RERE: variants seen among roughly 807,000 people sequenced by gnomAD.
The protein encoded by RERE is arginine-glutamic acid dipeptide repeats.
RERE carries 40 observed loss-of-function variants against 146.1 expected under a neutral mutation model. That is an observed-to-expected ratio of 0.27 (90% CI 0.21 to 0.36). The LOEUF is 0.36. Ranked by LOEUF, RERE falls within the 10% of genes least tolerant of loss-of-function variation. The pLI, the probability that RERE is intolerant of heterozygous loss-of-function variation, is 1.00. For missense variants in RERE, 1,933 were observed against 2,138.7 expected, an observed-to-expected ratio of 0.90 and a Z score of 1.90; for synonymous variants, 1,003 against 866.0, an observed-to-expected ratio of 1.16 and a Z score of -2.78.
intron 1 of RERE, chr1:8,786,190 A>C: frequency 2.9e-6 from 2 of 695,996 alleles, no homozygotes; most frequent in Non-Finnish European, 5.0e-6. Context: ...TAATTGTGGT[A>C]AACACCTCGG....
At chr1:8,716,805 G>GA (rs1399433070) in intron 1 of RERE, among the ~76,000 whole-genome samples, 2 of 151,232 alleles carry the variant, frequency 1.3e-5, no homozygotes. Context: ...TTTCAGAATG[G>GA]AAAAAAAGAA....
At chr1:8,457,853 C>T (rs975284257) in intron 11 of RERE, among the ~76,000 whole-genome samples, 7 of 151,996 alleles carry the variant, frequency 4.6e-5, no homozygotes, top group African/African-American at 1.2e-4. Flanking sequence ...TCCCTGCCTC[C>T]GCCTCCCAAA....
intron 1 of RERE, among the ~76,000 whole-genome samples, chr1:8,737,405 A>G (rs1025092258): frequency 3.3e-5 from 5 of 152,208 alleles, no homozygotes; most frequent in Admixed American, 3.3e-4. Flanking sequence ...AAGAATCAAA[A>G]GTTTATCACA....
chr1:8,356,066 G>C lies in RERE; in HGVS notation c.4486+34C>G. On this transcript the variant is annotated intron_variant, in intron 21 of 22. Transcript: ENST00000400908. The surrounding 1 kb of genome is among the most constrained non-coding windows in gnomAD (Gnocchi z 5.2). ...CCAGACCCCAACCCAACCCTCACAC[G>C]GCCTCCCCGCCCCTCCTGGAGGGGA... 1 of 1,461,910 alleles carries C rather than the reference G, an allele frequency of 6.8e-7. No individual in the cohort carries two copies. Among genetic ancestry groups the C allele is most frequent in the Non-Finnish European group, 9.0e-7 (1 of 1,109,602 alleles). 90.6% of individuals were successfully genotyped at this position (1,461,910 alleles called of 1,614,324 possible).
At chr1:8,400,230 G>A (rs939405499) in intron 12 of RERE, among the ~76,000 whole-genome samples, 8 of 150,906 alleles carry the variant, frequency 5.3e-5, no homozygotes, top group East Asian at 2.0e-4. Flanking sequence ...ATATGTGTGT[G>A]TGTGTGTGTG....
Position 8,607,530 on chromosome 1 carries a change from A to T in RERE, c.522+7031T>A, listed in dbSNP as rs1469394739. On this transcript the variant is annotated intron_variant, in intron 4 of 22. Coordinates refer to ENST00000400908, the MANE Select transcript of RERE (RefSeq NM_001042681.2). ...GCCCCGCATATTTGTTTTTATATAT[A>T]TTTCTTTTTTTTTTTTTTTTTTTTT... Among the ~76,000 whole-genome samples, 36 of 57,530 alleles carry T rather than the reference A, an allele frequency of 6.3e-4. No homozygotes were observed. In the East Asian group the frequency reaches 0.025, roughly 40 times the overall value. The allele number at this position is 57,530 out of a possible 152,430, so 37.7% of individuals were successfully genotyped here.
intron 12 of RERE, among the ~76,000 whole-genome samples, chr1:8,369,252 G>A (rs1027720723): frequency 2.0e-5 from 3 of 152,034 alleles, no homozygotes; most frequent in Non-Finnish European, 4.4e-5. Flanking sequence ...GTTCAGTGAG[G>A]TAAGAAACTG....
intron 11 of RERE, among the ~76,000 whole-genome samples, chr1:8,463,474 C>G (rs1285404436): frequency 6.6e-6 from 1 of 152,188 alleles, no homozygotes; most frequent in African/African-American, 2.4e-5. Context: ...TCTCAGCTCA[C>G]AGCGACAAAT....
At chr1:8,539,981 G>C (rs767769317) in intron 7 of RERE, among the ~76,000 whole-genome samples, 3 of 152,266 alleles carry the variant, frequency 2.0e-5, no homozygotes, top group Non-Finnish European at 2.9e-5. Flanking sequence ...GTTTCTGAAA[G>C]TCCTCTAGAA....
At chr1:8,686,157 A>T (rs1036733592) in intron 1 of RERE, among the ~76,000 whole-genome samples, 4 of 151,882 alleles carry the variant, frequency 2.6e-5, no homozygotes, top group African/African-American at 9.7e-5. Flanking sequence ...AATTTATTGT[A>T]TTTTTAGTAG....
At chr1:8,464,817 G>A (rs12080583) in intron 11 of RERE, among the ~76,000 whole-genome samples, 90,128 of 151,730 alleles carry the variant, frequency 0.59, 27,287 homozygotes, top group East Asian at 0.83. Context: ...ACCCTATTCT[G>A]TATCTGCTTC....
At chr1:8,587,847 C>T (rs1646444440) in intron 4 of RERE, among the ~76,000 whole-genome samples, 2 of 152,198 alleles carry the variant, frequency 1.3e-5, no homozygotes, top group African/African-American at 2.4e-5. Context: ...TGAGTCCCAC[C>T]TTAAAAGCTC....
intron 11 of RERE, among the ~76,000 whole-genome samples, chr1:8,434,320 T>C (rs771412931): frequency 1.3e-5 from 2 of 152,130 alleles, no homozygotes; most frequent in Non-Finnish European, 2.9e-5. Context: ...CTGCCACACC[T>C]GCGCTATCGG....
rs1641229309 is a variant in RERE, at chr1:8,354,938, GAT to G, written c.*147_*148del. 1 of 670,894 alleles carries G rather than the reference GAT, an allele frequency of 1.5e-6. No individual in the cohort carries two copies. Among genetic ancestry groups the G allele is most frequent in the African/African-American group, 1.8e-5 (1 of 55,006 alleles). The allele number at this position is 670,894 out of a possible 1,614,324, so 41.6% of individuals were successfully genotyped here. A position where few individuals can be genotyped will look rare whatever the true frequency, so the allele number is the denominator to read the frequency against. On this transcript the variant is annotated 3_prime_UTR_variant, in exon 23 of 23. Transcript: ENST00000400908. ...CTCGACAAACGAACACTACTATGTG[GAT>G]ACATTTTTAGTTGTGGGTTTTTAAA...
At chr1:8,715,809 C>T (rs565136663) in intron 1 of RERE, among the ~76,000 whole-genome samples, 1 of 151,170 alleles carries the variant, frequency 6.6e-6, no homozygotes, top group East Asian at 2.0e-4. Flanking sequence ...GAGACTAAGG[C>T]AGGAGGATTG....
chr1:8,407,551 T>C (rs895575519), intron 12 of RERE, among the ~76,000 whole-genome samples: 2 of 152,092 alleles, frequency 1.3e-5, no homozygotes, highest in African/African-American at 4.8e-5. Context: ...GGGGGAAGCC[T>C]ACCTCTCAAG....
At chr1:8,706,159 T>A (rs1639557306) in intron 1 of RERE, among the ~76,000 whole-genome samples, 1 of 146,872 alleles carries the variant, frequency 6.8e-6, no homozygotes, top group Non-Finnish European at 1.5e-5. Context: ...TATTAACCTT[T>A]AAAAGCCTAG....
chr1:8,706,472 G>C (rs1639563705), intron 1 of RERE, among the ~76,000 whole-genome samples: 1 of 152,160 alleles, frequency 6.6e-6, no homozygotes. Context: ...TTCAAGCCAA[G>C]TTCTTCCTAT....
chr1:8,810,417 G>A (rs1641783950), intron 1 of RERE, among the ~76,000 whole-genome samples: 1 of 152,188 alleles, frequency 6.6e-6, no homozygotes, highest in Non-Finnish European at 1.5e-5. Flanking sequence ...ACCAGCCTGG[G>A]CAACATGGCA....
Sources: gnomAD v4.1 joint callset for allele counts (sites outside exome capture counted in the v4.1 genomes callset) on GRCh38, gnomAD v4.1.1 for gene constraint, Gnocchi (gnomAD v3.1) non-coding constraint, MANE v1.5 for transcripts, NCBI Gene and HGNC (gene_info 2026-07-23, HGNC 2026-07-21) for gene names.